DNAJC18: variants seen among roughly 807,000 people sequenced by gnomAD.
DNAJC18 encodes DnaJ heat shock protein family (Hsp40) member C18, also known as dnaJ homolog subfamily C member 18.
DNAJC18 carries 40 observed loss-of-function variants against 48.6 expected under a neutral mutation model. The ratio of observed to expected loss-of-function variants is 0.82; its 90% confidence interval spans 0.64 to 1.07. DNAJC18 has a LOEUF of 1.07. Among genes scored for constraint, DNAJC18 ranks in the 50% least tolerant of loss-of-function variants. DNAJC18 has a pLI of 0.00. For missense variants in DNAJC18, 340 were observed against 427.7 expected, an observed-to-expected ratio of 0.79 and a Z score of 1.81; for synonymous variants, 135 against 152.2, an observed-to-expected ratio of 0.89 and a Z score of 0.83.
intron 4 of DNAJC18, among the ~76,000 whole-genome samples, 153 bp downstream of exon 4, chr5:139,426,019 C>A (rs1581418109): frequency 6.6e-6 from 1 of 152,290 alleles, no homozygotes; most frequent in East Asian, 1.9e-4. Context: ...CAGCTGGGGG[C>A]TGGAGACTTG....
Position 139,428,633 on chromosome 5 carries a change from G to A in DNAJC18, c.278C>T (p.Ala93Val). 6.2e-7 allele frequency: 1 copy of A among 1,613,270 alleles called. No homozygotes were observed. Among genetic ancestry groups the A allele is most frequent in the Non-Finnish European group, 8.5e-7 (1 of 1,179,806 alleles). The change falls in exon 3 of 8, where the codon GCT becomes GTT. Residue 93 changes from alanine to valine, a missense_variant. By Grantham distance (64) the Ala-to-Val change is moderately conservative. Coordinates refer to ENST00000302060, the MANE Select transcript of DNAJC18 (RefSeq NM_152686.4). ...YYEILGVSRD[A>V]SDEELKKAYR... Reference sequence around the variant, plus strand: ...AGCTTTCTTAAGCTCTTCGTCACTAGCATCTCGAGAAACTCCCAGAATTTC... The same window carrying A: ...AGCTTTCTTAAGCTCTTCGTCACTAACATCTCGAGAAACTCCCAGAATTTC...
At chr5:139,431,624 C>T (rs1257885286) in intron 2 of DNAJC18, among the ~76,000 whole-genome samples, 1 of 152,142 alleles carries the variant, frequency 6.6e-6, no homozygotes, top group East Asian at 1.9e-4. Context: ...TGGGTTGTTT[C>T]CCCTTTGGGG....
Position 139,439,483 on chromosome 5 carries a change from G to T in DNAJC18, c.-38C>A, listed in dbSNP as rs765812277. ...TCAGCAGGTCCGCCGAGCCTCCCCC[G>T]TGCCCGAGGCTGAAAGAGAAGGGGG... On this transcript the variant is annotated 5_prime_UTR_variant, in exon 1 of 8. Transcript: ENST00000302060. The surrounding 1 kb of genome is among the most constrained non-coding windows in gnomAD (Gnocchi z 4.1). 1.9e-6 allele frequency: 3 copies of T among 1,613,876 alleles called. No homozygotes were observed. Among genetic ancestry groups the T allele is most frequent in the Non-Finnish European group, 2.5e-6 (3 of 1,180,004 alleles).
In DNAJC18 at chr5:139,437,274, C is replaced by T. The variant is rs895848838; in HGVS notation, c.227+98G>A. On this transcript the variant is annotated intron_variant, in intron 2 of 7. Transcript: ENST00000302060. ...GCTAGTATGCCTCAATTATCATCAT[C>T]ATCATCATTATCATCAGTCAATACT... is the stretch of plus-strand genomic sequence containing the variant. The T allele has an allele frequency of 1.1e-5, 16 of 1,398,748 alleles. No homozygotes were observed. In the African/African-American group the frequency reaches 2.3e-4, roughly 20 times the overall value. The allele number at this position is 1,398,748 out of a possible 1,614,324, so 86.6% of individuals were successfully genotyped here.
chr5:139,439,401 A>C lies in DNAJC18; in HGVS notation c.40+5T>G, dbSNP rs757885763. On this transcript the variant is annotated splice_donor_5th_base_variant and intron_variant, in intron 1 of 7. Coordinates refer to ENST00000302060, the MANE Select transcript of DNAJC18 (RefSeq NM_152686.4). This position sits in a 1 kb window ranked among gnomAD's most constrained non-coding sequence, Gnocchi z 4.1. ...CTATCCCTCCTTCAGGCGGGGACCT[A>C]GTACCTTCCGTCCAGCGCTCCCCGC... 1.1e-5 allele frequency: 17 copies of C among 1,614,068 alleles called. No individual in the cohort carries two copies. In the South Asian group the frequency reaches 1.9e-4, roughly 18 times the overall value.
intron 7 of DNAJC18, among the ~76,000 whole-genome samples, chr5:139,416,835 G>A (rs1759075629): frequency 6.6e-6 from 1 of 152,248 alleles, no homozygotes; most frequent in African/African-American, 2.4e-5. Flanking sequence ...CTATCTAGAT[G>A]CAGCTGCGAA....
At chr5:139,427,599 T>C (rs1450252893) in intron 3 of DNAJC18, among the ~76,000 whole-genome samples, 2 of 152,202 alleles carry the variant, frequency 1.3e-5, no homozygotes, top group Non-Finnish European at 2.9e-5. Context: ...GCCACAGATA[T>C]TACGTCACCT....
intron 2 of DNAJC18, among the ~76,000 whole-genome samples, chr5:139,428,987 A>G (rs1013687323): frequency 6.6e-6 from 1 of 152,156 alleles, no homozygotes; most frequent in African/African-American, 2.4e-5. Context: ...GAACTACAGG[A>G]CAGCAAAGCC....
intron 6 of DNAJC18, among the ~76,000 whole-genome samples, chr5:139,421,791 G>C (rs1474813619): frequency 6.6e-5 from 10 of 152,152 alleles, no homozygotes; most frequent in Admixed American, 6.5e-4. Flanking sequence ...CCAGGCGACA[G>C]AGTGAGACTC....
chr5:139,437,213 T>C (rs1294215750), intron 2 of DNAJC18, among the ~76,000 whole-genome samples, 159 bp downstream of exon 2: 1 of 152,186 alleles, frequency 6.6e-6, no homozygotes, highest in Admixed American at 6.6e-5. Flanking sequence ...ACCCTAATAT[T>C]CCACTTCTAT....
chr5:139,410,228 G>A lies in DNAJC18; in HGVS notation c.*3920C>T, dbSNP rs1005705892. On this transcript the variant is annotated 3_prime_UTR_variant, in exon 8 of 8. Transcript: ENST00000302060. ...TTCTTTTAATATAAAATTGTTTAAT[G>A]TTTTTCTTTGTTGCAGTACACTCAA... is the stretch of plus-strand genomic sequence containing the variant. 6.6e-6 allele frequency: 1 copy of A among 152,182 alleles called. No homozygotes were observed. Among genetic ancestry groups the A allele is most frequent in the African/African-American group, 2.4e-5 (1 of 41,446 alleles). The allele number at this position is 152,182 out of a possible 1,614,324, so 9.4% of individuals were successfully genotyped here.
At chr5:139,436,558 C>T (rs897416013) in intron 2 of DNAJC18, among the ~76,000 whole-genome samples, 1 of 109,322 alleles carries the variant, frequency 9.1e-6, no homozygotes, top group Non-Finnish European at 1.7e-5. Flanking sequence ...GGGTCTTGCT[C>T]TGCTGTGCGA....
chr5:139,437,664 C>T, intron 1 of DNAJC18, 106 bp from the exon 2 acceptor site: 1 of 1,337,578 alleles, frequency 7.5e-7, no homozygotes, highest in Non-Finnish European at 1.0e-6. Context: ...AGAAGGTAAG[C>T]ATGATGGCCA....
chr5:139,431,373 C>T (rs899801269), intron 2 of DNAJC18, among the ~76,000 whole-genome samples: 1 of 152,162 alleles, frequency 6.6e-6, no homozygotes, highest in Admixed American at 6.5e-5. Flanking sequence ...CCACTTCTCC[C>T]CCAGCCCCTG....
chr5:139,437,622 C>T, intron 1 of DNAJC18, 64 bp from the exon 2 acceptor site: 2 of 1,543,236 alleles, frequency 1.3e-6, no homozygotes, highest in East Asian at 2.3e-5. Context: ...TGCAACCTGC[C>T]TTTCCTCTCT....
At chr5:139,417,180 ACT>A (rs1759082040) in intron 7 of DNAJC18, among the ~76,000 whole-genome samples, 2 of 129,770 alleles carry the variant, frequency 1.5e-5, no homozygotes, top group Non-Finnish European at 3.5e-5. Flanking sequence ...AGAGAGCGAG[ACT>A]CTGTCAAAAA....
rs1474789163 is a variant in DNAJC18 at position 139,428,558 on chromosome 5, C to T, written c.353G>A (p.Gly118Glu). 3.1e-6 allele frequency: 5 copies of T among 1,613,364 alleles called. No homozygotes were observed. The highest frequency in any genetic ancestry group is 2.5e-6 in the Non-Finnish European group (3 of 1,179,752). Residue 118 changes from glycine (G) to glutamate (E), a missense_variant, in exon 3 of 8, where the codon GGA becomes GAA. Coordinates refer to ENST00000302060, the MANE Select transcript of DNAJC18 (RefSeq NM_152686.4). ...KFHPDKNCAP[G>E]ATDAFKAIGN... ...CAGACCTTTGAAAGCATCTGTTGCTCCAGGAGCACAGTTCTTGTCAGGGTG... is the reference window on the plus strand; with the variant it reads ...CAGACCTTTGAAAGCATCTGTTGCTTCAGGAGCACAGTTCTTGTCAGGGTG...
At chr5:139,418,877 G>T (rs1358965995) in intron 7 of DNAJC18, 1 of 456,242 alleles carries the variant, frequency 2.2e-6, no homozygotes, top group Admixed American at 2.3e-5. Flanking sequence ...TTCCCAGACA[G>T]TCCATAGTCT....
chr5:139,438,173 G>C (rs981266685), intron 1 of DNAJC18, among the ~76,000 whole-genome samples: 1 of 152,002 alleles, frequency 6.6e-6, no homozygotes, highest in African/African-American at 2.4e-5. Flanking sequence ...CAAATTAGCC[G>C]GGCGTGGTGG....
Sources: gnomAD v4.1 joint callset for allele counts (sites outside exome capture counted in the v4.1 genomes callset) on GRCh38, gnomAD v4.1.1 for gene constraint, Gnocchi (gnomAD v3.1) non-coding constraint, MANE v1.5 for transcripts, NCBI Gene and HGNC (gene_info 2026-07-23, HGNC 2026-07-21) for gene names.